The following LAMP1 variants were observed in gnomAD, a reference collection of about 807,000 sequenced individuals.
LAMP1 encodes the protein lysosome-associated membrane glycoprotein 1.
In LAMP1, 7 loss-of-function variants were observed where a neutral mutation model predicts 37.5. That is an observed-to-expected ratio of 0.19 (90% CI 0.11 to 0.35). LAMP1 has a LOEUF of 0.35. Among genes scored for constraint, LAMP1 ranks in the 10% least tolerant of loss-of-function variants. The pLI is 1.00. For synonymous variants in LAMP1, 236 were observed against 229.1 expected (o/e 1.03, Z -0.27); for missense variants, 537 against 552.8 (o/e 0.97, Z 0.29).
chr13:113,311,094 A>G (rs911224229), intron 4 of LAMP1, among the ~76,000 whole-genome samples: 1 of 152,090 alleles, frequency 6.6e-6, no homozygotes, highest in Non-Finnish European at 1.5e-5. Flanking sequence ...TATTGAAGTG[A>G]AATATCCCGG....
Position 113,309,657 on chromosome 13 carries a change from C to T in LAMP1, c.198C>T (p.Asp66=). The change falls in exon 3 of 9, where the codon GAC becomes GAT. Residue 66 remains aspartate (D), a synonymous_variant. Coordinates refer to ENST00000332556, the MANE Select transcript of LAMP1 (RefSeq NM_005561.4). Reference sequence around the variant, plus strand: ...GTTTATTCTAGAACATGACCTTTGACCTGCCATCAGATGCCACAGTGGTGC... The same window carrying T: ...GTTTATTCTAGAACATGACCTTTGATCTGCCATCAGATGCCACAGTGGTGC... The part of the protein sequence containing the change: ...TKSGPKNMTF[D]LPSDATVVLN... 1 of 1,613,436 alleles carries T rather than the reference C, an allele frequency of 6.2e-7. No homozygotes were observed. The highest frequency in any genetic ancestry group is 8.5e-7 in the Non-Finnish European group (1 of 1,179,478).
intron 1 of LAMP1, among the ~76,000 whole-genome samples, chr13:113,301,555 G>A (rs1176570197): frequency 2.0e-5 from 3 of 149,832 alleles, no homozygotes; most frequent in African/African-American, 2.5e-5. Flanking sequence ...CCCGGGAGGC[G>A]GAGGTTGCAG....
rs1427281127 is a variant in LAMP1 at position 113,323,526 on chromosome 13, T to C, written c.*1105T>C. On this transcript the variant is annotated 3_prime_UTR_variant, in exon 9 of 9. Transcript: ENST00000332556. ...GGTGGTCTCGGTGCAGAGAGAAGGGTGTCAGGGAAACGGGGGGTGAGGGTG... is the reference window on the plus strand; with the variant it reads ...GGTGGTCTCGGTGCAGAGAGAAGGGCGTCAGGGAAACGGGGGGTGAGGGTG... 1 of 150,828 alleles carries C rather than the reference T, an allele frequency of 6.6e-6. No homozygotes were observed. Among genetic ancestry groups the C allele is most frequent in the Admixed American group, 6.6e-5 (1 of 15,126 alleles). 9.3% of individuals were successfully genotyped at this position (150,828 alleles called of 1,614,324 possible).
At chr13:113,306,441 T>G (rs1217984620) in intron 1 of LAMP1, 44 bp from the exon 2 acceptor site, 1 of 1,599,018 alleles carries the variant, frequency 6.3e-7, no homozygotes, top group African/African-American at 1.3e-5. Flanking sequence ...GGTCGTATTT[T>G]CTGGACAGTT....
intron 4 of LAMP1, among the ~76,000 whole-genome samples, chr13:113,311,472 A>G (rs923135613): frequency 6.6e-6 from 1 of 152,234 alleles, no homozygotes; most frequent in African/African-American, 2.4e-5. Context: ...GGCAGAGATG[A>G]TGGGACCAGG....
In LAMP1 at chr13:113,323,461, G is replaced by A. The variant is rs2042719578; in HGVS notation, c.*1040G>A. ...CCTTGTCCTTCTGTCAGCTAAAATG[G>A]GAGCTCATGAGAGAAGGACGTCAGG... is the stretch of plus-strand genomic sequence containing the variant. On this transcript the variant is annotated 3_prime_UTR_variant, in exon 9 of 9. Transcript: ENST00000332556. The A allele has an allele frequency of 6.6e-6, 1 of 151,262 alleles. No homozygotes were observed. Among genetic ancestry groups the A allele is most frequent in the African/African-American group, 2.4e-5 (1 of 40,982 alleles). 9.4% of individuals were successfully genotyped at this position (151,262 alleles called of 1,614,324 possible).
chr13:113,311,875 C>T (rs1258081390), intron 4 of LAMP1, among the ~76,000 whole-genome samples: 1 of 152,212 alleles, frequency 6.6e-6, no homozygotes, highest in Non-Finnish European at 1.5e-5. Context: ...TCTCCCGAGC[C>T]TCACAGTCCA....
At chr13:113,312,914 C>T (rs530793059) in intron 4 of LAMP1, among the ~76,000 whole-genome samples, 1 of 152,096 alleles carries the variant, frequency 6.6e-6, no homozygotes, top group African/African-American at 2.4e-5. Flanking sequence ...CTAGTGTTCA[C>T]GGTTATCGAT....
At chr13:113,298,630 T>C (rs2139352690) in intron 1 of LAMP1, among the ~76,000 whole-genome samples, 1 of 152,340 alleles carries the variant, frequency 6.6e-6, no homozygotes. Context: ...TTGTTTTGCC[T>C]GTTGTGTAAA....
intron 1 of LAMP1, among the ~76,000 whole-genome samples, chr13:113,303,277 C>T (rs2042583011): frequency 6.6e-6 from 1 of 152,144 alleles, no homozygotes; most frequent in South Asian, 2.1e-4. Flanking sequence ...CGCATGCTTC[C>T]CACAGCGGCA....
chr13:113,315,398 T>TC, intron 4 of LAMP1, among the ~76,000 whole-genome samples: 1 of 141,890 alleles, frequency 7.0e-6, no homozygotes, highest in Admixed American at 7.0e-5. Context: ...TTTTTTTTTT[T>TC]TTTTTTTTTG....
At position 113,321,609 on chromosome 13, in the gene LAMP1, C is replaced by T. The variant is rs374840461; in HGVS notation, c.996C>T (p.Val332=). The T allele has an allele frequency of 1.7e-5, 27 of 1,614,180 alleles. No homozygotes were observed. Among genetic ancestry groups the T allele is most frequent in the African/African-American group, 2.7e-5 (2 of 75,054 alleles). ...NGSLRALQAT[V]GNSYKCNAEE... ...CCCTGCGAGCGCTGCAGGCCACAGT[C>T]GGCAATTCCTACAAGTGCAACGCGG... Residue 332 remains valine (V), a synonymous_variant, in exon 8 of 9, where the codon GTC becomes GTT. Transcript: ENST00000332556. The surrounding 1 kb of genome is among the most constrained non-coding windows in gnomAD (Gnocchi z 5.6).
intron 2 of LAMP1, among the ~76,000 whole-genome samples, chr13:113,307,542 A>G (rs564712681): frequency 6.6e-6 from 1 of 152,200 alleles, no homozygotes; most frequent in South Asian, 2.1e-4. Flanking sequence ...ACACTCCCCT[A>G]TTAGTAATTG....
At chr13:113,309,023 G>A (rs2042615225) in intron 2 of LAMP1, among the ~76,000 whole-genome samples, 1 of 152,298 alleles carries the variant, frequency 6.6e-6, no homozygotes, top group African/African-American at 2.4e-5. Context: ...ATCTCACCCT[G>A]AAGCTGGTGT....
chr13:113,302,493 C>T (rs1034456699), intron 1 of LAMP1, among the ~76,000 whole-genome samples: 3 of 152,202 alleles, frequency 2.0e-5, no homozygotes, highest in African/African-American at 7.2e-5. Context: ...TGTGCCCGGC[C>T]TAATTTTTTA....
At position 113,297,504 on chromosome 13, in the gene LAMP1, GT is replaced by G; in HGVS notation, c.61+10del. On this transcript the variant is annotated intron_variant, in intron 1 of 8. Transcript: ENST00000332556. This position sits in a 1 kb window ranked among gnomAD's most constrained non-coding sequence, Gnocchi z 4.4. Reference sequence around the variant, plus strand: ...GCTGTTGCTGCTGCTCGGTGAGGGGGTCGAGGCGGGGCCTGGGAGCGGCGGG... The same window carrying G: ...GCTGTTGCTGCTGCTCGGTGAGGGGGCGAGGCGGGGCCTGGGAGCGGCGGG... 8.0e-7 allele frequency: 1 copy of G among 1,244,664 alleles called. No individual in the cohort carries two copies. Among genetic ancestry groups the G allele is most frequent in the Non-Finnish European group, 1.0e-6 (1 of 995,114 alleles). 77.1% of individuals were successfully genotyped at this position (1,244,664 alleles called of 1,614,324 possible). A position where few individuals can be genotyped will look rare whatever the true frequency, so the allele number is the denominator to read the frequency against.
At chr13:113,302,793 G>A (rs974651881) in intron 1 of LAMP1, among the ~76,000 whole-genome samples, 3 of 152,162 alleles carry the variant, frequency 2.0e-5, no homozygotes, top group African/African-American at 7.2e-5. Flanking sequence ...GCGTGGCTCA[G>A]AAGTGGCACG....
intron 8 of LAMP1, chr13:113,322,055 A>G: frequency 6.8e-6 from 4 of 585,896 alleles, no homozygotes; most frequent in Middle Eastern, 4.6e-4. Flanking sequence ...CTGTCCGGCC[A>G]CAGCCCCTGA....
intron 2 of LAMP1, among the ~76,000 whole-genome samples, chr13:113,308,783 T>C (rs187577051): frequency 2.0e-5 from 3 of 152,330 alleles, no homozygotes; most frequent in Admixed American, 6.5e-5. Context: ...TTTATCACCT[T>C]GTGTAGTTTC....
Sources: allele counts gnomAD v4.1 joint callset (sites outside exome capture counted in the v4.1 genomes callset), GRCh38; gene constraint gnomAD v4.1.1; non-coding constraint Gnocchi (gnomAD v3.1); transcripts MANE v1.5; gene names NCBI Gene and HGNC (gene_info 2026-07-23, HGNC 2026-07-21).